SETBP1: variants seen among roughly 807,000 people sequenced by gnomAD.
SETBP1 encodes SET binding protein 1.
A neutral mutation model predicts 101.0 loss-of-function variants in SETBP1; 9 were observed. The ratio of observed to expected loss-of-function variants is 0.09; its 90% CI spans 0.05 to 0.16. SETBP1 has a LOEUF of 0.16. Ranked by LOEUF, SETBP1 falls within the 10% of genes least tolerant of loss-of-function variation. The pLI, the probability that SETBP1 is intolerant of heterozygous loss-of-function variation, is 1.00. For synonymous variants in SETBP1, 818 were observed against 788.5 expected, an observed-to-expected ratio of 1.04 and a Z score of -0.63; for missense variants, 1,858 against 2,033.8, an observed-to-expected ratio of 0.91 and a Z score of 1.66.
At chr18:44,712,906 T>C (rs1173120523) in intron 2 of SETBP1, among the ~76,000 whole-genome samples, 2 of 151,772 alleles carry the variant, frequency 1.3e-5, no homozygotes, top group African/African-American at 4.8e-5. Flanking sequence ...TCGTGGATAT[T>C]GCTAGAAATT....
In SETBP1 at chr18:44,952,361, T is replaced by C. The variant is rs770169906; in HGVS notation, c.3021T>C (p.Leu1007=). ...PYIQYDPLLY[L]RRTSDLKSKK... ...TCCAGTATGACCCGTTGCTCTATCT[T>C]CGTAGGACTTCAGACTTGAAGTCAA... is the stretch of plus-strand genomic sequence containing the variant. Residue 1007 remains leucine (L), a synonymous_variant, in exon 4 of 6, where the codon CTT becomes CTC. Transcript: ENST00000649279. The C allele has an allele frequency of 1.2e-6, 2 of 1,614,002 alleles. No homozygotes were observed. Among genetic ancestry groups the C allele is most frequent in the African/African-American group, 2.7e-5 (2 of 74,912 alleles).
intron 4 of SETBP1, among the ~76,000 whole-genome samples, chr18:45,002,455 G>A (rs1174552934): frequency 2.6e-5 from 4 of 152,076 alleles, no homozygotes; most frequent in Admixed American, 6.6e-5. Context: ...AATACTGTTC[G>A]TCCTATTCAT....
At chr18:44,768,229 G>A (rs942315426) in intron 2 of SETBP1, among the ~76,000 whole-genome samples, 3 of 152,094 alleles carry the variant, frequency 2.0e-5, no homozygotes, top group Non-Finnish European at 4.4e-5. Context: ...TAAGTGAGAG[G>A]AATCTGTTCT....
At chr18:44,963,922 AG>A (rs2071666558) in intron 4 of SETBP1, among the ~76,000 whole-genome samples, 2 of 148,668 alleles carry the variant, frequency 1.3e-5, no homozygotes, top group South Asian at 2.1e-4. Flanking sequence ...AAAAAAAAAA[AG>A]GGTTATATAT....
chr18:44,895,816 T>G (rs1301022943), intron 3 of SETBP1, among the ~76,000 whole-genome samples: 1 of 152,156 alleles, frequency 6.6e-6, no homozygotes, highest in African/African-American at 2.4e-5. Flanking sequence ...TATTTTGTTT[T>G]ATTTATTTCA....
Position 44,902,061 on chromosome 18 carries a change from T to C in SETBP1, c.540+32778T>C, listed in dbSNP as rs183254601. Among the ~76,000 whole-genome samples the C allele has an allele frequency of 4.3e-3, 648 of 152,340 alleles. 7 individuals are homozygous for C. Among genetic ancestry groups the C allele is most frequent in the African/African-American group, 0.015 (628 of 41,582 alleles). On this transcript the variant is annotated intron_variant, in intron 3 of 5. Coordinates refer to ENST00000649279, the MANE Select transcript of SETBP1 (RefSeq NM_015559.3). The stretch of plus-strand genomic sequence containing the variant: ...ATGTGGCTATTTAAGTTTGAATTAA[T>C]TAAAATTAAGTACAATTTAAAATTC...
chr18:44,936,557 CAT>C (rs1290181940), intron 3 of SETBP1, among the ~76,000 whole-genome samples: 1 of 152,168 alleles, frequency 6.6e-6, no homozygotes, highest in Non-Finnish European at 1.5e-5. Flanking sequence ...TACCAGTACA[CAT>C]GTCTCGACCA....
chr18:44,959,980 C>T (rs995154773), intron 4 of SETBP1, among the ~76,000 whole-genome samples: 3 of 152,160 alleles, frequency 2.0e-5, no homozygotes, highest in African/African-American at 7.2e-5. Context: ...GGTACGATCT[C>T]ACCTCACTGC....
chr18:44,788,824 A>T (rs1348748431), intron 2 of SETBP1, among the ~76,000 whole-genome samples: 1 of 107,412 alleles, frequency 9.3e-6, no homozygotes, highest in African/African-American at 3.8e-5. Flanking sequence ...TGGAGACAGG[A>T]TCTCACTCTG....
intron 3 of SETBP1, among the ~76,000 whole-genome samples, chr18:44,934,705 A>G (rs2070920097): frequency 6.6e-6 from 1 of 152,178 alleles, no homozygotes; most frequent in Non-Finnish European, 1.5e-5. Context: ...CCTGTTTTAC[A>G]GATAGGGAAA....
intron 2 of SETBP1, among the ~76,000 whole-genome samples, chr18:44,724,252 T>G (rs2069661425): frequency 6.6e-6 from 1 of 152,288 alleles, no homozygotes; most frequent in African/African-American, 2.4e-5. Context: ...GCAAATTATC[T>G]TGTGGTTTGG....
chr18:44,896,571 C>T (rs900743447), intron 3 of SETBP1, among the ~76,000 whole-genome samples: 1 of 152,148 alleles, frequency 6.6e-6, no homozygotes, highest in African/African-American at 2.4e-5. Context: ...CGGCTCACTA[C>T]AACCTCTGCC....
chr18:44,985,169 G>T (rs1334155196), intron 4 of SETBP1, among the ~76,000 whole-genome samples: 5 of 152,132 alleles, frequency 3.3e-5, no homozygotes, highest in African/African-American at 4.8e-5. Flanking sequence ...ACTGAATGAG[G>T]TGTAAGAGAT....
chr18:44,943,043 A>G lies in SETBP1; in HGVS notation c.541-6838A>G, dbSNP rs375686486. ...GTGTCCATTGGAATCAAAGAATCAT[A>G]AGATCATGGTACTAAAAAGATACGT... On this transcript the variant is annotated intron_variant, in intron 3 of 5. Transcript: ENST00000649279. Among the ~76,000 whole-genome samples the G allele has an allele frequency of 5.3e-5, 8 of 152,320 alleles. 1 individual carries two copies. Among genetic ancestry groups the G allele is most frequent in the South Asian group, 2.1e-4 (1 of 4,822 alleles).
intron 5 of SETBP1, 33 bp downstream of exon 5, chr18:45,038,688 C>T: frequency 6.2e-7 from 1 of 1,609,246 alleles, no homozygotes; most frequent in Non-Finnish European, 8.5e-7. Context: ...GGGTTCACCC[C>T]AAGCAAGATG....
intron 2 of SETBP1, among the ~76,000 whole-genome samples, chr18:44,759,505 T>TAAGA (rs2070588167): frequency 6.6e-6 from 1 of 152,240 alleles, no homozygotes; most frequent in Non-Finnish European, 1.5e-5. Flanking sequence ...AGCTGACTCT[T>TAAGA]GTCAGTTTCG....
chr18:44,914,955 G>A (rs2070392931), intron 3 of SETBP1, among the ~76,000 whole-genome samples: 1 of 152,026 alleles, frequency 6.6e-6, no homozygotes, highest in Non-Finnish European at 1.5e-5. Flanking sequence ...TACTTTCACA[G>A]ATCATAGACA....
chr18:45,016,912 G>A (rs907301153), intron 4 of SETBP1, among the ~76,000 whole-genome samples: 2 of 151,950 alleles, frequency 1.3e-5, no homozygotes, highest in Non-Finnish European at 2.9e-5. Context: ...TCAAGGAGAG[G>A]AAGGACTCCT....
intron 2 of SETBP1, among the ~76,000 whole-genome samples, chr18:44,786,790 G>A (rs2071247398): frequency 6.6e-6 from 1 of 152,190 alleles, no homozygotes; most frequent in Non-Finnish European, 1.5e-5. Context: ...TGGGTTTAGA[G>A]AGCCACACGG....
Sources: gnomAD v4.1 joint callset for allele counts (sites outside exome capture counted in the v4.1 genomes callset) on GRCh38, gnomAD v4.1.1 for gene constraint, MANE v1.5 for transcripts, NCBI Gene and HGNC (gene_info 2026-07-23, HGNC 2026-07-21) for gene names.